The following PRKN variants were observed in gnomAD, a reference collection of about 807,000 sequenced individuals.
PRKN encodes the protein E3 ubiquitin-protein ligase parkin.
Under a neutral mutation model 59.5 loss-of-function variants are expected in PRKN, and 56 were observed. That is an observed-to-expected ratio of 0.94 (90% CI 0.76 to 1.18). The LOEUF (loss-of-function observed/expected upper bound fraction) is 1.18, where lower values mean the gene tolerates loss of function less well. Among genes scored for constraint, PRKN ranks in the 50% most tolerant of loss-of-function variants. The pLI is 0.00. For missense variants in PRKN, 657 were observed against 596.4 expected (o/e 1.10, Z -1.06); for synonymous variants, 250 against 222.1 (o/e 1.13, Z -1.12).
At chr6:162,698,863 T>G (rs1232360954) in intron 1 of PRKN, among the ~76,000 whole-genome samples, 1 of 152,172 alleles carries the variant, frequency 6.6e-6, no homozygotes, top group Non-Finnish European at 1.5e-5. Flanking sequence ...CCCAAAGAAC[T>G]TCTAACATCT....
intron 2 of PRKN, among the ~76,000 whole-genome samples, chr6:162,346,738 A>G (rs1469151149): frequency 2.6e-5 from 4 of 152,164 alleles, no homozygotes; most frequent in Admixed American, 1.3e-4. Flanking sequence ...TACTGAGATC[A>G]TGTAATTGTT....
chr6:161,653,662 A>C (rs1049779853), intron 7 of PRKN, among the ~76,000 whole-genome samples: 1 of 152,238 alleles, frequency 6.6e-6, no homozygotes, highest in African/African-American at 2.4e-5. Context: ...TCCACCACAG[A>C]ATAGAGAAGT....
chr6:162,356,020 C>A (rs1481917608), intron 2 of PRKN, among the ~76,000 whole-genome samples: 1 of 152,078 alleles, frequency 6.6e-6, no homozygotes, highest in Non-Finnish European at 1.5e-5. Context: ...TCTTGTTGGT[C>A]CTCCAGTATA....
rs185346530 is a variant in PRKN at position 162,247,230 on chromosome 6, G to A, written c.412+15295C>T. On this transcript the variant is annotated intron_variant, in intron 3 of 11. Coordinates refer to ENST00000366898, the MANE Select transcript of PRKN (RefSeq NM_004562.3). ...TGAATACAAGTTATAATCGGATTTGGTGGCTGAGACTTAAATAGAAGAAAC... is the reference window on the plus strand; with the variant it reads ...TGAATACAAGTTATAATCGGATTTGATGGCTGAGACTTAAATAGAAGAAAC... 3.9e-5 allele frequency among the ~76,000 whole-genome samples: 6 copies of A among 152,200 alleles called. No individual in the cohort carries two copies. The South Asian group carries it at 8.3e-4, about 21-fold the overall frequency.
intron 3 of PRKN, among the ~76,000 whole-genome samples, chr6:162,259,515 G>C (rs1001971896): frequency 6.6e-6 from 1 of 152,230 alleles, no homozygotes; most frequent in Non-Finnish European, 1.5e-5. Context: ...CTGCACATGA[G>C]AGTCTGTGAA....
At chr6:162,176,783 T>C (rs1189919010) in intron 4 of PRKN, among the ~76,000 whole-genome samples, 1 of 152,150 alleles carries the variant, frequency 6.6e-6, no homozygotes, top group Non-Finnish European at 1.5e-5. Context: ...GGTTACTATC[T>C]GCCATAAATA....
At chr6:162,252,205 T>C (rs1011624981) in intron 3 of PRKN, among the ~76,000 whole-genome samples, 1 of 152,192 alleles carries the variant, frequency 6.6e-6, no homozygotes, top group Admixed American at 6.5e-5. Flanking sequence ...AAATAACCAA[T>C]GTAGCTGTTA....
chr6:161,394,731 G>T (rs1269226385), intron 9 of PRKN, among the ~76,000 whole-genome samples: 1 of 152,092 alleles, frequency 6.6e-6, no homozygotes, highest in Non-Finnish European at 1.5e-5. Context: ...GCAATGAGGA[G>T]AAAAGACCCA....
chr6:162,365,134 C>A (rs528004330), intron 2 of PRKN, among the ~76,000 whole-genome samples: 1 of 151,356 alleles, frequency 6.6e-6, no homozygotes, highest in Non-Finnish European at 1.5e-5. Flanking sequence ...TAAAATAAAT[C>A]CATAATTTAA....
intron 7 of PRKN, among the ~76,000 whole-genome samples, chr6:161,573,917 A>AT (rs1177373209): frequency 6.6e-6 from 1 of 151,032 alleles, no homozygotes; most frequent in African/African-American, 2.4e-5. Context: ...AAGAAACACA[A>AT]TTTTAAATTA....
chr6:161,838,126 G>A (rs1792837436), intron 6 of PRKN, among the ~76,000 whole-genome samples: 1 of 152,116 alleles, frequency 6.6e-6, no homozygotes, highest in South Asian at 2.1e-4. Context: ...AAGAGCTGAC[G>A]TGTCTGTATT....
intron 2 of PRKN, among the ~76,000 whole-genome samples, chr6:162,360,886 G>A (rs769544661): frequency 6.6e-6 from 1 of 152,182 alleles, no homozygotes; most frequent in African/African-American, 2.4e-5. Context: ...AAAGGAACTG[G>A]CCTTTGAGAG....
intron 1 of PRKN, among the ~76,000 whole-genome samples, chr6:162,490,117 G>A (rs542700161): frequency 2.6e-5 from 4 of 152,222 alleles, no homozygotes; most frequent in African/African-American, 9.6e-5. Context: ...CGATGTGACA[G>A]GTTTTCATAA....
At chr6:162,713,515 A>AAAG (rs1359509883) in intron 1 of PRKN, among the ~76,000 whole-genome samples, 1 of 151,254 alleles carries the variant, frequency 6.6e-6, no homozygotes, top group Non-Finnish European at 1.5e-5. Context: ...AAAAAAAAAA[A>AAAG]TTAGGTCTCT....
At chr6:161,833,988 A>G (rs1219576592) in intron 6 of PRKN, among the ~76,000 whole-genome samples, 1 of 152,160 alleles carries the variant, frequency 6.6e-6, no homozygotes, top group African/African-American at 2.4e-5. Context: ...ATTACTTAGA[A>G]AACATGGAAC....
At chr6:162,266,469 A>G (rs550494579) in intron 2 of PRKN, 4 of 152,294 alleles carry the variant, frequency 2.6e-5, no homozygotes, top group African/African-American at 7.2e-5. Flanking sequence ...TATGAATTCT[A>G]AAAGTTTGAA....
chr6:162,298,415 C>T (rs1781781893), intron 2 of PRKN, among the ~76,000 whole-genome samples: 1 of 152,058 alleles, frequency 6.6e-6, no homozygotes, highest in African/African-American at 2.4e-5. Flanking sequence ...GTCTTGACAT[C>T]CTTCTTTGTT....
intron 10 of PRKN, among the ~76,000 whole-genome samples, chr6:161,370,269 A>C (rs950747816): frequency 2.6e-5 from 4 of 151,678 alleles, no homozygotes; most frequent in Non-Finnish European, 5.9e-5. Context: ...TGGTAAATCA[A>C]AATGTACTTA....
intron 6 of PRKN, among the ~76,000 whole-genome samples, chr6:161,798,752 A>T (rs1245918651): frequency 6.6e-6 from 1 of 152,214 alleles, no homozygotes; most frequent in Non-Finnish European, 1.5e-5. Flanking sequence ...AAAATATTAC[A>T]TATAGCTTTT....
Sources: allele counts gnomAD v4.1 joint callset (sites outside exome capture counted in the v4.1 genomes callset), GRCh38; gene constraint gnomAD v4.1.1; transcripts MANE v1.5; gene names NCBI Gene and HGNC (gene_info 2026-07-23, HGNC 2026-07-21).